DAB1: variants seen among roughly 807,000 people sequenced by gnomAD.
DAB1 encodes disabled homolog 1.
In DAB1, 15 loss-of-function variants were observed where a neutral mutation model predicts 64.6. The observed-to-expected ratio is 0.23, with a 90% CI of 0.16 to 0.36. DAB1 has a LOEUF of 0.36. Among genes scored for constraint, DAB1 ranks in the 10% least tolerant of loss-of-function variants. DAB1 has a pLI of 1.00. For synonymous variants in DAB1, 235 were observed against 251.9 expected, an observed-to-expected ratio of 0.93 and a Z score of 0.64; for missense variants, 596 against 706.7, an observed-to-expected ratio of 0.84 and a Z score of 1.78.
At chr1:58,300,652 GGAAGGAAGGAAGGAAGGAAGGAAGGA>G (rs1557726386) in intron 4 of DAB1, among the ~76,000 whole-genome samples, 23 of 84,706 alleles carry the variant, frequency 2.7e-4, no homozygotes, top group African/African-American at 1.0e-3. Flanking sequence ...GAGAGAGGAA[GGAAGGAAGGAAGGAAGGAAGGAAGGA>G]AGGAAGGAAG....
At chr1:57,029,769 C>T (rs1646910222) in intron 9 of DAB1, among the ~76,000 whole-genome samples, 2 of 152,214 alleles carry the variant, frequency 1.3e-5, no homozygotes, top group Admixed American at 6.5e-5. Context: ...TGGCCAATTT[C>T]TCCCATTTGG....
chr1:57,467,688 A>G (rs1368429810), intron 7 of DAB1, among the ~76,000 whole-genome samples: 1 of 152,164 alleles, frequency 6.6e-6, no homozygotes, highest in Non-Finnish European at 1.5e-5. Flanking sequence ...TAGATGGTAT[A>G]TGAATGAAAG....
chr1:57,067,161 G>T (rs866180985), intron 8 of DAB1, among the ~76,000 whole-genome samples: 1 of 152,132 alleles, frequency 6.6e-6, no homozygotes, highest in East Asian at 1.9e-4. Context: ...CCAATAGAAG[G>T]AGATAAAATA....
intron 1 of DAB1, chr1:58,539,083 T>C (rs1228996599): frequency 4.6e-6 from 4 of 872,848 alleles, no homozygotes; most frequent in South Asian, 2.6e-5. Context: ...AAAAGTACTA[T>C]AAAAATGAAA....
At chr1:57,584,716 A>G (rs1189470024) in intron 7 of DAB1, among the ~76,000 whole-genome samples, 6 of 152,326 alleles carry the variant, frequency 3.9e-5, no homozygotes, top group Admixed American at 6.5e-5. Context: ...AACATTCTCT[A>G]GAGCCTTGTA....
intron 7 of DAB1, among the ~76,000 whole-genome samples, chr1:57,477,287 C>T (rs1643950238): frequency 6.6e-6 from 1 of 152,172 alleles, no homozygotes; most frequent in Non-Finnish European, 1.5e-5. Context: ...CATGCACACA[C>T]AGACCCCTAA....
intron 2 of DAB1, among the ~76,000 whole-genome samples, chr1:57,250,405 T>C (rs1261312386): frequency 6.6e-6 from 1 of 152,208 alleles, no homozygotes; most frequent in African/African-American, 2.4e-5. Context: ...AATACTGGTG[T>C]ACCTACGCGA....
At chr1:57,358,467 AAAAG>A (rs1158816227) in intron 1 of DAB1, among the ~76,000 whole-genome samples, 1 of 152,104 alleles carries the variant, frequency 6.6e-6, no homozygotes, top group African/African-American at 2.4e-5. Flanking sequence ...TTGTGTGATG[AAAAG>A]AATAAAGAAT....
chr1:58,038,711 T>A (rs980613242), intron 5 of DAB1, among the ~76,000 whole-genome samples: 1 of 152,086 alleles, frequency 6.6e-6, no homozygotes, highest in African/African-American at 2.4e-5. Flanking sequence ...AAGCCTCACA[T>A]CAGATCTTCA....
chr1:57,236,391 G>A (rs1006882940), intron 2 of DAB1, among the ~76,000 whole-genome samples: 35 of 152,112 alleles, frequency 2.3e-4, no homozygotes, highest in African/African-American at 8.4e-4. Flanking sequence ...AGCGCTACAG[G>A]AGAGTTACAG....
At chr1:57,325,688 G>T (rs1440450919) in intron 1 of DAB1, among the ~76,000 whole-genome samples, 1 of 152,164 alleles carries the variant, frequency 6.6e-6, no homozygotes, top group Admixed American at 6.5e-5. Context: ...GCCAGTCATT[G>T]TAAGTAGGTG....
chr1:58,525,116 T>A (rs1646329328), intron 2 of DAB1, among the ~76,000 whole-genome samples: 1 of 152,188 alleles, frequency 6.6e-6, no homozygotes. Flanking sequence ...TAGGCACACG[T>A]TTTGATAAAT....
chr1:57,766,515 T>A (rs991059585), intron 6 of DAB1, among the ~76,000 whole-genome samples: 2 of 152,100 alleles, frequency 1.3e-5, no homozygotes, highest in African/African-American at 4.8e-5. Context: ...GTTTTTCCTT[T>A]TCTCTGCACG....
intron 6 of DAB1, among the ~76,000 whole-genome samples, chr1:57,770,967 T>A (rs1273062027): frequency 6.6e-6 from 1 of 152,136 alleles, no homozygotes; most frequent in Non-Finnish European, 1.5e-5. Flanking sequence ...ATGATCTCAT[T>A]TAATCCCCCT....
intron 1 of DAB1, among the ~76,000 whole-genome samples, chr1:57,417,522 G>T (rs950671116): frequency 6.6e-6 from 1 of 152,040 alleles, no homozygotes; most frequent in Non-Finnish European, 1.5e-5. Context: ...TGAAATCAAA[G>T]GTTCTATGGC....
intron 3 of DAB1, among the ~76,000 whole-genome samples, chr1:57,140,195 C>G (rs756618006): frequency 2.6e-5 from 4 of 152,180 alleles, no homozygotes; most frequent in Non-Finnish European, 4.4e-5. Flanking sequence ...TGACATTAGC[C>G]ACCTGACCTA....
At chr1:57,073,334 C>G (rs531580604) in intron 4 of DAB1, among the ~76,000 whole-genome samples, 1 of 152,260 alleles carries the variant, frequency 6.6e-6, no homozygotes, top group South Asian at 2.1e-4. Flanking sequence ...TTGCACTATG[C>G]CTGGCCTATA....
At chr1:57,874,110 G>A (rs763699667) in intron 1 of DAB1, 9 of 152,134 alleles carry the variant, frequency 5.9e-5, no homozygotes, top group Non-Finnish European at 1.2e-4. Context: ...AGATGGGACT[G>A]CTGTATGATA....
At chr1:58,211,603 C>T (rs1469540903) in intron 4 of DAB1, among the ~76,000 whole-genome samples, 1 of 152,152 alleles carries the variant, frequency 6.6e-6, no homozygotes, top group African/African-American at 2.4e-5. Context: ...CTTTCAATTG[C>T]TACAATCATA....
Sources: allele counts gnomAD v4.1 joint callset (sites outside exome capture counted in the v4.1 genomes callset), GRCh38; gene constraint gnomAD v4.1.1; transcripts MANE v1.5; gene names NCBI Gene and HGNC (gene_info 2026-07-23, HGNC 2026-07-21).